Variants in MROH7 observed in about 807,000 individuals in gnomAD.
The protein encoded by MROH7 is maestro heat-like repeat-containing protein family member 7.
A neutral mutation model predicts 129.2 loss-of-function variants in MROH7; 113 were observed. The ratio of observed to expected loss-of-function variants is 0.87; its 90% CI spans 0.75 to 1.02. MROH7 has a LOEUF of 1.02. MROH7 is among the 50% of genes least tolerant of loss of function. The pLI is 0.00. For synonymous variants in MROH7, 655 were observed against 667.9 expected, an observed-to-expected ratio of 0.98 and a Z score of 0.30; for missense variants, 1,601 against 1,671.3, an observed-to-expected ratio of 0.96 and a Z score of 0.73.
At chr1:54,655,365 CATTTT>C (rs1553169541) in intron 3 of MROH7, among the ~76,000 whole-genome samples, 1 of 151,648 alleles carries the variant, frequency 6.6e-6, no homozygotes, top group Non-Finnish European at 1.5e-5. Flanking sequence ...TAGTAGATAA[CATTTT>C]ATTTTATTTT....
intron 11 of MROH7, among the ~76,000 whole-genome samples, 189 bp downstream of exon 11, chr1:54,679,043 C>T (rs898531197): frequency 4.6e-5 from 7 of 152,222 alleles, no homozygotes; most frequent in Non-Finnish European, 7.3e-5. Flanking sequence ...TTCTCCCTTA[C>T]GCATGTCACC....
At chr1:54,657,205 A>C (rs1270934386) in intron 3 of MROH7, among the ~76,000 whole-genome samples, 1 of 151,024 alleles carries the variant, frequency 6.6e-6, no homozygotes, top group Non-Finnish European at 1.5e-5. Context: ...GTGCCACCCT[A>C]CTCAGCTAAT....
Position 54,653,427 on chromosome 1 carries a change from C to T in MROH7, c.501C>T (p.Asn167=), listed in dbSNP as rs1405370780. The change falls in exon 3 of 24, where the codon AAC becomes AAT. Residue 167 remains asparagine (N), a synonymous_variant. Coordinates refer to ENST00000421030, the MANE Select transcript of MROH7 (RefSeq NM_001039464.4). ...AGATTTTCAAGTTGGGTCAGAGAAA[C>T]TCCAACCCTTCTAGGCATGAATTAA... ...SSKIFKLGQR[N]SNPSRHELNP... is the part of the protein sequence containing the mutation. 6 of 1,614,074 alleles carry T rather than the reference C, an allele frequency of 3.7e-6. No homozygotes were observed. Among genetic ancestry groups the T allele is most frequent in the Admixed American group, 1.7e-5 (1 of 60,000 alleles).
Position 54,686,335 on chromosome 1 carries a change from C to A in MROH7, c.2598C>A (p.Leu866=). 8 of 1,614,182 alleles carry A rather than the reference C, an allele frequency of 5.0e-6. No homozygotes were observed. The highest frequency in any genetic ancestry group is 6.8e-6 in the Non-Finnish European group (8 of 1,180,022). ...GRVRRIYPQL[L]LALLIQVHYH... ...TGAGGCGCATCTACCCTCAGCTGCT[C>A]CTGGCCCTGCTCATTCAGGTCCATT... Residue 866 remains leucine (L), a synonymous_variant, in exon 15 of 24, where the codon CTC becomes CTA. Coordinates refer to ENST00000421030, the MANE Select transcript of MROH7 (RefSeq NM_001039464.4).
chr1:54,702,267 A>AC (rs768374854), intron 20 of MROH7, 22 bp downstream of exon 20: 1 of 1,424,262 alleles, frequency 7.0e-7, no homozygotes, highest in Non-Finnish European at 9.3e-7. Flanking sequence ...TGGGCCCTGC[A>AC]CCCTCTACCC....
At chr1:54,697,550 T>C (rs1645343191) in intron 17 of MROH7, 6 of 602,836 alleles carry the variant, frequency 1.0e-5, no homozygotes, top group South Asian at 2.0e-5. Flanking sequence ...TCCCTGACCA[T>C]GGTGAGGGAA....
intron 12 of MROH7, 29 bp downstream of exon 12, chr1:54,679,468 C>T (rs1443966378): frequency 4.4e-6 from 7 of 1,603,902 alleles, no homozygotes; most frequent in Admixed American, 1.7e-5. Context: ...AGGGAGTGAA[C>T]TGTCACTGGG....
At chr1:54,697,962 G>T (rs774855908) in intron 17 of MROH7, 22 of 389,318 alleles carry the variant, frequency 5.7e-5, no homozygotes, top group Non-Finnish European at 9.2e-5. Flanking sequence ...CAGCCCTTCC[G>T]CCCTGCAGCA....
In MROH7 at chr1:54,653,387, A is replaced by G; in HGVS notation, c.461A>G (p.Lys154Arg). The G allele has an allele frequency of 1.2e-6, 2 of 1,614,232 alleles. No individual in the cohort carries two copies. Among genetic ancestry groups the G allele is most frequent in the Non-Finnish European group, 1.7e-6 (2 of 1,180,046 alleles). ...HPQSNSEDAF[K>R]CLSSKIFKLG... Reference sequence around the variant, plus strand: ...CAGTCAAATTCTGAAGATGCCTTCAAGTGCCTCTCAAGTAAGATTTTCAAG... The same window carrying G: ...CAGTCAAATTCTGAAGATGCCTTCAGGTGCCTCTCAAGTAAGATTTTCAAG... Residue 154 changes from lysine to arginine, a missense_variant, in exon 3 of 24, where the codon AAG becomes AGG. Coordinates refer to ENST00000421030, the MANE Select transcript of MROH7 (RefSeq NM_001039464.4).
intron 3 of MROH7, among the ~76,000 whole-genome samples, chr1:54,656,247 C>A (rs868749410): frequency 6.6e-6 from 1 of 151,120 alleles, no homozygotes; most frequent in Admixed American, 6.6e-5. Context: ...TGTGGTGGCT[C>A]ACGCCTGTAA....
intron 17 of MROH7, chr1:54,697,624 T>C (rs1325612079): frequency 1.4e-6 from 1 of 700,970 alleles, no homozygotes; most frequent in Admixed American, 2.0e-5. Flanking sequence ...ATTGACCTCT[T>C]TCAAATGTTA....
chr1:54,709,851 C>A, intron 23 of MROH7, 95 bp from the exon 24 acceptor site: 2 of 1,465,746 alleles, frequency 1.4e-6, no homozygotes, highest in Admixed American at 3.9e-5. Flanking sequence ...GCAGAGGGTG[C>A]CTAAGCCAAG....
At position 54,665,177 on chromosome 1, in the gene MROH7, T is replaced by C. The variant is rs1377242859; in HGVS notation, c.1242T>C (p.Asp414=). 1 of 1,613,816 alleles carries C rather than the reference T, an allele frequency of 6.2e-7. No homozygotes were observed. The highest frequency in any genetic ancestry group is 2.2e-5 in the East Asian group (1 of 44,852). ...TLQGIPEGAF[D]EVTSCLVKVP... is the part of the protein sequence containing the mutation. ...AATCGTGCCCTGCAGGAGCCTTTGA[T>C]GAAGTGACCTCATGCCTGGTGAAGG... is the stretch of plus-strand genomic sequence containing the variant. Residue 414 remains aspartate (D), a synonymous_variant, in exon 4 of 24, where the codon GAT becomes GAC. Coordinates refer to ENST00000421030, the MANE Select transcript of MROH7 (RefSeq NM_001039464.4).
intron 22 of MROH7, 151 bp downstream of exon 22, chr1:54,706,688 G>C: frequency 1.6e-6 from 1 of 628,262 alleles, no homozygotes; most frequent in Non-Finnish European, 2.8e-6. Flanking sequence ...GTGAAAGTTA[G>C]AATGGTTTTC....
In MROH7 at chr1:54,653,559, C is replaced by T. The variant is rs1208641045; in HGVS notation, c.633C>T (p.Asp211=). ...LLIPTSNSSL[D]LDSNPLLNMG... ...TTCCAACCTCAAACTCTTCTCTGGA[C>T]CTTGACTCCAATCCATTGCTCAACA... Residue 211 remains aspartate, a synonymous_variant, in exon 3 of 24, where the codon GAC becomes GAT. Coordinates refer to ENST00000421030, the MANE Select transcript of MROH7 (RefSeq NM_001039464.4). The T allele has an allele frequency of 6.2e-7, 1 of 1,614,188 alleles. No individual in the cohort carries two copies. The highest frequency in any genetic ancestry group is 2.2e-5 in the East Asian group (1 of 44,886).
In MROH7 at chr1:54,665,239, T is replaced by C. The variant is rs758424599; in HGVS notation, c.1304T>C (p.Leu435Pro). ...EKTEGGNNMALVENVTTLQKS... is the reference protein window; with the variant it reads ...EKTEGGNNMAPVENVTTLQKS... ...ACAGAAGGTGGCAACAACATGGCTC[T>C]GGTATGCCTCCTGCCCAACCCCTAG... Residue 435 changes from leucine to proline, a missense_variant and splice_region_variant, in exon 4 of 24, where the codon CTG (leucine) becomes CCG (proline). Leu to Pro is a moderately conservative substitution (Grantham distance 98). Coordinates refer to ENST00000421030, the MANE Select transcript of MROH7 (RefSeq NM_001039464.4). The C allele has an allele frequency of 1.1e-5, 18 of 1,613,154 alleles. No individual in the cohort carries two copies. In the Admixed American group the frequency reaches 1.7e-4, roughly 15 times the overall value.
chr1:54,671,808 A>T (rs1490534572), intron 7 of MROH7, among the ~76,000 whole-genome samples: 1 of 152,176 alleles, frequency 6.6e-6, no homozygotes, highest in Admixed American at 6.5e-5. Flanking sequence ...AGGTGAGGTG[A>T]GTGTGGGGGA....
At position 54,682,762 on chromosome 1, in the gene MROH7, A is replaced by G. The variant is rs200139547; in HGVS notation, c.2488A>G (p.Lys830Glu). The G allele has an allele frequency of 9.9e-6, 16 of 1,613,602 alleles. No homozygotes were observed. The highest frequency in any genetic ancestry group is 5.0e-5 in the Admixed American group (3 of 59,990). ...LGSLKEKPVT[K>E]EGRASIVPLA... ...CAGCCTGAAGGAGAAGCCCGTCACC[A>G]AGGAGGGCCGGGCTTCCATCGTGCC... The change falls in exon 14 of 24, where the codon AAG (lysine) becomes GAG (glutamate). Residue 830 changes from lysine (K) to glutamate (E), a missense_variant. Physicochemically the swap from Lys to Glu is moderately conservative, Grantham distance 56 (BLOSUM62 1). Coordinates refer to ENST00000421030, the MANE Select transcript of MROH7 (RefSeq NM_001039464.4).
At chr1:54,684,133 A>G (rs1445794113) in intron 14 of MROH7, among the ~76,000 whole-genome samples, 1 of 152,252 alleles carries the variant, frequency 6.6e-6, no homozygotes, top group Non-Finnish European at 1.5e-5. Context: ...ACTATGTGCC[A>G]AGCACACTTA....
Sources: allele counts gnomAD v4.1 joint callset (sites outside exome capture counted in the v4.1 genomes callset), GRCh38; gene constraint gnomAD v4.1.1; transcripts MANE v1.5; gene names NCBI Gene and HGNC (gene_info 2026-07-23, HGNC 2026-07-21).